The following ALS2 variants were observed in gnomAD, a reference collection of about 807,000 sequenced individuals.
The protein encoded by ALS2 is alsin Rho guanine nucleotide exchange factor ALS2.
ALS2 carries 117 observed loss-of-function variants against 203.4 expected under a neutral mutation model. That is an observed-to-expected ratio of 0.58 (90% CI 0.50 to 0.67). The LOEUF (loss-of-function observed/expected upper bound fraction) is 0.67. Ranked by LOEUF, ALS2 falls within the 30% of genes least tolerant of loss-of-function variation. The pLI, the probability that ALS2 is intolerant of heterozygous loss-of-function variation, is 0.00. For synonymous variants in ALS2, 718 were observed against 725.9 expected (o/e 0.99, Z 0.17); for missense variants, 1,715 against 1,989.4 (o/e 0.86, Z 2.62).
intron 27 of ALS2, among the ~76,000 whole-genome samples, chr2:201,709,216 C>T (rs1362318140): frequency 1.3e-5 from 2 of 152,194 alleles, no homozygotes; most frequent in Non-Finnish European, 2.9e-5. Context: ...AATACTACCA[C>T]CGTATTAGTC....
At chr2:201,743,793 T>C (rs1382752004) in intron 10 of ALS2, among the ~76,000 whole-genome samples, 1 of 152,176 alleles carries the variant, frequency 6.6e-6, no homozygotes, top group African/African-American at 2.4e-5. Flanking sequence ...GCTTTAACAC[T>C]CTTATAGTTA....
chr2:201,728,683 T>C, intron 14 of ALS2, 43 bp from the exon 15 acceptor site: 1 of 1,597,792 alleles, frequency 6.3e-7, no homozygotes, highest in East Asian at 2.2e-5. Context: ...ACAATCAAAA[T>C]TATTTTAACA....
chr2:201,749,392 T>A (rs1242728202), intron 8 of ALS2, among the ~76,000 whole-genome samples: 14 of 152,156 alleles, frequency 9.2e-5, no homozygotes, highest in Non-Finnish European at 2.1e-4. Flanking sequence ...GTAGACATTA[T>A]CTGGTAACGC....
At chr2:201,750,201 C>T (rs140753620) in intron 7 of ALS2, among the ~76,000 whole-genome samples, 39 of 151,144 alleles carry the variant, frequency 2.6e-4, no homozygotes, top group African/African-American at 6.8e-4. Context: ...AAGAAGAAGG[C>T]AGAATTGAGG....
intron 29 of ALS2, 22 bp downstream of exon 29, chr2:201,706,824 C>G: frequency 6.2e-7 from 1 of 1,613,386 alleles, no homozygotes; most frequent in Non-Finnish European, 8.5e-7. Flanking sequence ...CATTTGGTTG[C>G]GCTTGTAACT....
At chr2:201,726,395 G>T in intron 19 of ALS2, 89 bp downstream of exon 19, 1 of 1,184,794 alleles carries the variant, frequency 8.4e-7, no homozygotes, top group Non-Finnish European at 1.3e-6. Flanking sequence ...TCTACTACTT[G>T]TTTGAAAAGC....
Position 201,761,395 on chromosome 2 carries a change from C to T in ALS2, c.599G>A (p.Gly200Glu). 6.2e-7 allele frequency: 1 copy of T among 1,611,318 alleles called. No homozygotes were observed. Among genetic ancestry groups the T allele is most frequent in the Non-Finnish European group, 8.5e-7 (1 of 1,177,792 alleles). The change falls in exon 4 of 34, where the codon GGG (glycine) becomes GAG (glutamate). Residue 200 changes from glycine to glutamate, a missense_variant. This residue lies in a region of ALS2 where 476 missense variants were observed against 539.3 expected (regional missense o/e 0.88). Transcript: ENST00000264276. Reference sequence around the variant, plus strand: ...ACAGGCAACTTGAAGCACCACTCGCCCAGCAAGATGTTCTACCTTTTGCGG... The same window carrying T: ...ACAGGCAACTTGAAGCACCACTCGCTCAGCAAGATGTTCTACCTTTTGCGG... ...TKPQKVEHLA[G>E]RVVLQVACGA...
At chr2:201,741,468 TTCA>T in intron 11 of ALS2, 4 of 564,922 alleles carry the variant, frequency 7.1e-6, no homozygotes, top group East Asian at 3.1e-5. Context: ...AACATGATAA[TTCA>T]TTATTTTTAA....
intron 5 of ALS2, 134 bp from the exon 6 acceptor site, chr2:201,754,805 T>G: frequency 1.1e-6 from 1 of 942,008 alleles, no homozygotes; most frequent in Non-Finnish European, 1.6e-6. Flanking sequence ...AGAGGCTCTC[T>G]GTAGAAAAGG....
intron 4 of ALS2, chr2:201,760,243 C>A (rs970091547): frequency 1.3e-6 from 1 of 786,918 alleles, no homozygotes; most frequent in Non-Finnish European, 1.5e-6. Context: ...CCTGGGAGAT[C>A]GAGGCTGCAG....
Position 201,701,610 on chromosome 2 carries a change from T to C in ALS2, c.*241A>G, listed in dbSNP as rs1689392247. 1 of 461,724 alleles carries C rather than the reference T, an allele frequency of 2.2e-6. No homozygotes were observed. The highest frequency in any genetic ancestry group is 3.9e-5 in the South Asian group (1 of 25,802). 28.6% of individuals were successfully genotyped at this position (461,724 alleles called of 1,614,324 possible). The stretch of plus-strand genomic sequence containing the variant: ...AGATAAATGGTATTTTTGGAACTTA[T>C]CATAGGCCAAGAACTGGTCTAATCT... On this transcript the variant is annotated 3_prime_UTR_variant, in exon 34 of 34. Transcript: ENST00000264276.
chr2:201,766,547 G>T (rs190909260), intron 3 of ALS2, among the ~76,000 whole-genome samples: 61 of 151,834 alleles, frequency 4.0e-4, no homozygotes, highest in African/African-American at 1.4e-3. Context: ...TACTCGGGAG[G>T]CTGAGGCAGG....
intron 26 of ALS2, among the ~76,000 whole-genome samples, 200 bp from the exon 27 acceptor site, chr2:201,710,238 G>T (rs116857499): frequency 1.3e-5 from 2 of 152,146 alleles, no homozygotes; most frequent in East Asian, 3.9e-4. Context: ...TCCTAATCTT[G>T]ATCAAAGAAT....
intron 7 of ALS2, among the ~76,000 whole-genome samples, chr2:201,750,664 A>G (rs370117022): frequency 2.0e-5 from 3 of 152,208 alleles, no homozygotes; most frequent in Non-Finnish European, 4.4e-5. Flanking sequence ...TGGTCATTGT[A>G]CAAGACTGTG....
chr2:201,779,763 GAT>G (rs1225322360), intron 1 of ALS2, among the ~76,000 whole-genome samples: 1 of 152,164 alleles, frequency 6.6e-6, no homozygotes, highest in Non-Finnish European at 1.5e-5. Flanking sequence ...CAAAATCAAA[GAT>G]GTAAATGGAT....
In ALS2 at chr2:201,729,157, C is replaced by T; in HGVS notation, c.2607G>A (p.Gln869=). The T allele has an allele frequency of 6.2e-7, 1 of 1,613,562 alleles. No homozygotes were observed. Among genetic ancestry groups the T allele is most frequent in the Non-Finnish European group, 8.5e-7 (1 of 1,179,934 alleles). The part of the protein sequence containing the change: ...EVASPEYQKL[Q]DSSSCYECLA... ...GACACTCATAACAAGAACTGGAATCCTGCAGTTTCTGATATTCTGGAGATG... is the reference window on the plus strand; with the variant it reads ...GACACTCATAACAAGAACTGGAATCTTGCAGTTTCTGATATTCTGGAGATG... The change falls in exon 14 of 34, where the codon CAG becomes CAA. Residue 869 remains glutamine (Q), a synonymous_variant. Coordinates refer to ENST00000264276, the MANE Select transcript of ALS2 (RefSeq NM_020919.4).
rs2075194 is a variant in ALS2, at chr2:201,761,902, A to C, written c.176-84T>G. 226,787 of 1,432,422 alleles carry C rather than the reference A, an allele frequency of 0.16. 21,551 individuals are homozygous for C. The highest frequency in any genetic ancestry group is 0.41 in the East Asian group (16,679 of 41,046). The allele number at this position is 1,432,422 out of a possible 1,614,324, so 88.7% of individuals were successfully genotyped here. On this transcript the variant is annotated intron_variant, in intron 3 of 33. Transcript: ENST00000264276. ...TTTAACAGCAAACTTTTAGTCCCCT[A>C]TAGATTTAACCAAATTGGATTTTCT...
In ALS2 at chr2:201,715,694, T is replaced by G. The variant is rs376095955; in HGVS notation, c.3982A>C (p.Ser1328Arg). ...WDNIAVALTT[S>R]RRQHRDSPEI... The stretch of plus-strand genomic sequence containing the variant: ...CACCTGTCTCTGTGCTGGCGCCGAC[T>G]GGTGGTCAAGGCCACAGCAATATTG... The change falls in exon 25 of 34, where the codon AGT becomes CGT. Residue 1328 changes from serine to arginine, a missense_variant. Ser to Arg is a moderately radical substitution (Grantham distance 110, BLOSUM62 -1). Coordinates refer to ENST00000264276, the MANE Select transcript of ALS2 (RefSeq NM_020919.4). The G allele has an allele frequency of 6.2e-7, 1 of 1,614,240 alleles. No individual in the cohort carries two copies. The highest frequency in any genetic ancestry group is 8.5e-7 in the Non-Finnish European group (1 of 1,180,038).
intron 27 of ALS2, 114 bp downstream of exon 27, chr2:201,709,767 A>G (rs914486236): frequency 1.5e-6 from 2 of 1,292,808 alleles, no homozygotes; most frequent in East Asian, 2.3e-5. Flanking sequence ...TACTTAATCT[A>G]TTAAAGGACT....
Sources: allele counts gnomAD v4.1 joint callset (sites outside exome capture counted in the v4.1 genomes callset), GRCh38; gene constraint gnomAD v4.1.1; regional missense constraint gnomAD v4.1.1; transcripts MANE v1.5; gene names NCBI Gene and HGNC (gene_info 2026-07-23, HGNC 2026-07-21).